JAKMIP3: variants seen among roughly 807,000 people sequenced by gnomAD.
JAKMIP3 encodes the protein Janus kinase and microtubule interacting protein 3.
In JAKMIP3, 58 loss-of-function variants were observed where a neutral mutation model predicts 118.5. The ratio of observed to expected loss-of-function variants is 0.49; its 90% confidence interval spans 0.40 to 0.61. The LOEUF (loss-of-function observed/expected upper bound fraction) is 0.61. JAKMIP3 is among the 20% of genes least tolerant of loss of function. The pLI is 0.00. For missense variants in JAKMIP3, 950 were observed against 1,109.0 expected (o/e 0.86, Z 2.04); for synonymous variants, 486 against 451.2 (o/e 1.08, Z -0.98).
Position 132,118,079 on chromosome 10 carries a change from G to A in JAKMIP3, c.633+505G>A, listed in dbSNP as rs1248343070. Among the ~76,000 whole-genome samples the A allele has an allele frequency of 6.6e-6, 1 of 152,202 alleles. No homozygotes were observed. Among genetic ancestry groups the A allele is most frequent in the Non-Finnish European group, 1.5e-5 (1 of 68,038 alleles). ...GAACTCACAGGATCCAGAGAGGCGA[G>A]ATCAGGAGGCCCCGGGGGGTGGGAT... On this transcript the variant is annotated intron_variant, in intron 3 of 23. Transcript: ENST00000684848. This position sits in a 1 kb window ranked among gnomAD's most constrained non-coding sequence, Gnocchi z 4.8.
intron 2 of JAKMIP3, among the ~76,000 whole-genome samples, chr10:132,115,605 C>T (rs1260606051): frequency 6.6e-6 from 1 of 152,228 alleles, no homozygotes; most frequent in Admixed American, 6.5e-5. Flanking sequence ...TGTTCCTCTT[C>T]AGCGTGTCAT....
chr10:132,174,588 G>GT (rs1313007771), intron 23 of JAKMIP3, among the ~76,000 whole-genome samples: 2 of 152,192 alleles, frequency 1.3e-5, no homozygotes, highest in Non-Finnish European at 2.9e-5. Flanking sequence ...TGTGTGACAG[G>GT]TTTTTTCACG....
At chr10:132,148,253 G>A (rs2055050075) in intron 14 of JAKMIP3, among the ~76,000 whole-genome samples, 1 of 152,168 alleles carries the variant, frequency 6.6e-6, no homozygotes, top group African/African-American at 2.4e-5. Context: ...GGGAACATGG[G>A]CCATGGAGCT....
At chr10:132,079,448 G>A (rs2041427583) in intron 1 of JAKMIP3, among the ~76,000 whole-genome samples, 1 of 152,158 alleles carries the variant, frequency 6.6e-6, no homozygotes, top group Non-Finnish European at 1.5e-5. Flanking sequence ...AGGATTGAAA[G>A]TTGTTTATTT....
intron 3 of JAKMIP3, among the ~76,000 whole-genome samples, chr10:132,131,419 G>C (rs2050566024): frequency 6.6e-6 from 1 of 150,626 alleles, no homozygotes; most frequent in Admixed American, 6.6e-5. Flanking sequence ...AGCTTATGGG[G>C]TGAGGGTATG....
chr10:132,067,265 C>T (rs2038934611), intron 1 of JAKMIP3, among the ~76,000 whole-genome samples: 1 of 141,464 alleles, frequency 7.1e-6, no homozygotes, highest in Admixed American at 7.6e-5. Flanking sequence ...ATTCCTTCTC[C>T]AAGGCTGAGG....
chr10:132,167,978 C>T lies in JAKMIP3; in HGVS notation c.*48C>T, dbSNP rs2059124877. The stretch of plus-strand genomic sequence containing the variant: ...CCCCACATTGAATCGGACCCTTTTC[C>T]TCCAGTGGGACCAGAAAGCAGGGAC... On this transcript the variant is annotated 3_prime_UTR_variant, in exon 23 of 24. Coordinates refer to ENST00000684848, the MANE Select transcript of JAKMIP3 (RefSeq NM_001323087.2). 1 of 1,289,494 alleles carries T rather than the reference C, an allele frequency of 7.8e-7. No individual in the cohort carries two copies. The highest frequency in any genetic ancestry group is 1.0e-6 in the Non-Finnish European group (1 of 988,864). 79.9% of individuals were successfully genotyped at this position (1,289,494 alleles called of 1,614,324 possible).
chr10:132,111,397 G>A (rs11593002), intron 2 of JAKMIP3, among the ~76,000 whole-genome samples: 22,880 of 152,128 alleles, frequency 0.15, 1,829 homozygotes, highest in Middle Eastern at 0.24. Flanking sequence ...GTGGCTCCAG[G>A]TGGGGCTAGA....
At chr10:132,123,201 C>T (rs2048856505) in intron 3 of JAKMIP3, among the ~76,000 whole-genome samples, 1 of 152,212 alleles carries the variant, frequency 6.6e-6, no homozygotes, top group African/African-American at 2.4e-5. Flanking sequence ...TGGTGACAGG[C>T]TCTGAGGACA....
At position 132,147,944 on chromosome 10, in the gene JAKMIP3, T is replaced by C. The variant is rs1381044669; in HGVS notation, c.1750-8T>C. Reference sequence around the variant, plus strand: ...GACCCCTCACCTCATGCATCTTTTATGTTGCAGATCAAACAAATGGAGACG... The same window carrying C: ...GACCCCTCACCTCATGCATCTTTTACGTTGCAGATCAAACAAATGGAGACG... On this transcript the variant is annotated splice_region_variant and splice_polypyrimidine_tract_variant and intron_variant, in intron 13 of 23. Coordinates refer to ENST00000684848, the MANE Select transcript of JAKMIP3 (RefSeq NM_001323087.2). 2 of 1,590,930 alleles carry C rather than the reference T, an allele frequency of 1.3e-6. No homozygotes were observed. Among genetic ancestry groups the C allele is most frequent in the East Asian group, 4.5e-5 (2 of 44,426 alleles).
chr10:132,046,955 C>T (rs2037935283), intron 1 of JAKMIP3, among the ~76,000 whole-genome samples: 1 of 152,142 alleles, frequency 6.6e-6, no homozygotes, highest in Non-Finnish European at 1.5e-5. Flanking sequence ...ATAATCAGAG[C>T]TCATTGCAAC....
At chr10:132,181,160 T>C (rs987555029) in intron 23 of JAKMIP3, 2 of 152,072 alleles carry the variant, frequency 1.3e-5, no homozygotes, top group African/African-American at 4.8e-5. Context: ...GTGAGTGGAG[T>C]GTGCTGACAA....
At chr10:132,139,165 CAT>C (rs1246721880) in intron 9 of JAKMIP3, among the ~76,000 whole-genome samples, 4 of 133,884 alleles carry the variant, frequency 3.0e-5, no homozygotes, top group Admixed American at 7.7e-5. Flanking sequence ...TGTGTATGTA[CAT>C]GTGTGTATGT....
intron 6 of JAKMIP3, among the ~76,000 whole-genome samples, chr10:132,136,500 C>G (rs2135777191): frequency 6.6e-6 from 1 of 152,188 alleles, no homozygotes; most frequent in Non-Finnish European, 1.5e-5. Context: ...GGCCATGAGC[C>G]AGGAGTGGGG....
intron 1 of JAKMIP3, among the ~76,000 whole-genome samples, chr10:132,075,842 C>T (rs1246077626): frequency 6.6e-6 from 1 of 152,130 alleles, no homozygotes; most frequent in Middle Eastern, 3.2e-3. Flanking sequence ...TTTGAGAATG[C>T]TTCGTTTCTT....
chr10:132,042,285 C>T (rs1204692853), intron 1 of JAKMIP3, among the ~76,000 whole-genome samples: 1 of 151,598 alleles, frequency 6.6e-6, no homozygotes, highest in Non-Finnish European at 1.5e-5. Flanking sequence ...GATCATGGCT[C>T]ACTGCAGCCT....
chr10:132,060,066 C>T (rs780813010), upstream of JAKMIP3, among the ~76,000 whole-genome samples: 3 of 152,130 alleles, frequency 2.0e-5, no homozygotes, highest in African/African-American at 4.8e-5. Context: ...GAGGCTGCTG[C>T]GAAGACCCTG....
intron 1 of JAKMIP3, among the ~76,000 whole-genome samples, chr10:132,085,197 C>G (rs1000031580): frequency 2.0e-5 from 3 of 152,102 alleles, no homozygotes; most frequent in Non-Finnish European, 2.9e-5. Flanking sequence ...TCCATCTGGT[C>G]CTGGATTTTT....
intron 23 of JAKMIP3, among the ~76,000 whole-genome samples, chr10:132,175,060 C>T (rs1353711586): frequency 1.3e-5 from 2 of 152,134 alleles, no homozygotes; most frequent in African/African-American, 2.4e-5. Flanking sequence ...TGTCTTTCAT[C>T]TTTTCATTCC....
Sources: allele counts gnomAD v4.1 joint callset (sites outside exome capture counted in the v4.1 genomes callset), GRCh38; gene constraint gnomAD v4.1.1; non-coding constraint Gnocchi (gnomAD v3.1); transcripts MANE v1.5; gene names NCBI Gene and HGNC (gene_info 2026-07-23, HGNC 2026-07-21).